DMTF1: variants seen among roughly 807,000 people sequenced by gnomAD.
DMTF1 encodes cyclin D binding myb like transcription factor 1.
In DMTF1, 39 loss-of-function variants were observed where a neutral mutation model predicts 91.1. The observed-to-expected ratio is 0.43, with a 90% CI of 0.33 to 0.56. The LOEUF is 0.56. DMTF1 is among the 20% of genes least tolerant of loss of function. The pLI is 0.05. For synonymous variants in DMTF1, 338 were observed against 309.5 expected (o/e 1.09, Z -0.97); for missense variants, 750 against 914.5 (o/e 0.82, Z 2.32).
intron 1 of DMTF1, among the ~76,000 whole-genome samples, chr7:87,160,325 A>G (rs1405850712): frequency 1.4e-5 from 2 of 146,220 alleles, no homozygotes; most frequent in Admixed American, 7.0e-5. Flanking sequence ...TCCAGGCTGG[A>G]GTGCAATGGG....
intron 1 of DMTF1, among the ~76,000 whole-genome samples, chr7:87,159,523 G>A (rs1791680712): frequency 1.3e-5 from 2 of 152,092 alleles, no homozygotes; most frequent in African/African-American, 4.8e-5. Context: ...AACGTGCTAA[G>A]GTATTGTGCT....
chr7:87,176,934 G>A (rs1194326793), intron 7 of DMTF1, among the ~76,000 whole-genome samples: 2 of 152,124 alleles, frequency 1.3e-5, no homozygotes, highest in Non-Finnish European at 2.9e-5. Flanking sequence ...AGGGCAAGGA[G>A]TGTGGAGGCA....
chr7:87,190,762 C>T (rs954754989), intron 13 of DMTF1, among the ~76,000 whole-genome samples, 183 bp from the exon 14 acceptor site: 1 of 152,044 alleles, frequency 6.6e-6, no homozygotes, highest in African/African-American at 2.4e-5. Flanking sequence ...CACTATATGT[C>T]ATGCAAGACA....
chr7:87,156,426 C>G (rs969796165), intron 1 of DMTF1, among the ~76,000 whole-genome samples: 2 of 151,990 alleles, frequency 1.3e-5, no homozygotes, highest in East Asian at 3.8e-4. Flanking sequence ...ATCTTAAAAC[C>G]AAGCCATAGT....
chr7:87,190,122 A>T (rs956714639), intron 13 of DMTF1, among the ~76,000 whole-genome samples: 4 of 152,094 alleles, frequency 2.6e-5, no homozygotes, highest in African/African-American at 7.2e-5. Flanking sequence ...AGCATGTTCT[A>T]TTTAACCTTG....
At chr7:87,169,903 T>C (rs11982198) in intron 4 of DMTF1, among the ~76,000 whole-genome samples, 5,607 of 152,242 alleles carry the variant, frequency 0.037, 125 homozygotes, top group East Asian at 0.064. Flanking sequence ...TTTACTCACT[T>C]TTTAGGTGAT....
At chr7:87,187,983 T>C in intron 12 of DMTF1, 109 bp from the exon 13 acceptor site, 2 of 742,858 alleles carry the variant, frequency 2.7e-6, no homozygotes, top group Admixed American at 2.4e-5. Flanking sequence ...CAGTATGCAG[T>C]TATTTATTCC....
intron 1 of DMTF1, chr7:87,154,300 A>G (rs1434301060): frequency 5.9e-5 from 9 of 152,334 alleles, no homozygotes; most frequent in Non-Finnish European, 1.3e-4. Flanking sequence ...ACATTTCATG[A>G]TTGTGGTGAT....
intron 15 of DMTF1, 61 bp from the exon 16 acceptor site, chr7:87,193,664 G>C: frequency 7.1e-7 from 1 of 1,412,190 alleles, no homozygotes; most frequent in Non-Finnish European, 9.7e-7. Context: ...GGGAGACAGT[G>C]AGGTACCCCC....
chr7:87,163,088 G>T (rs1007136119), intron 1 of DMTF1: 2 of 151,460 alleles, frequency 1.3e-5, no homozygotes, highest in African/African-American at 4.9e-5. Flanking sequence ...ACATAAAGAG[G>T]TGTTAATAAT....
At chr7:87,168,824 C>T (rs941775119) in intron 4 of DMTF1, among the ~76,000 whole-genome samples, 5 of 152,198 alleles carry the variant, frequency 3.3e-5, no homozygotes, top group Non-Finnish European at 7.4e-5. Flanking sequence ...TTTTCCCACT[C>T]TGAGATGACT....
chr7:87,181,921 G>A (rs955407302), intron 9 of DMTF1: 5 of 961,108 alleles, frequency 5.2e-6, no homozygotes, highest in Non-Finnish European at 7.2e-6. Context: ...AAAAGGGAAA[G>A]TCTGGGGCTT....
chr7:87,193,779 A>G lies in DMTF1; in HGVS notation c.1705A>G (p.Arg569Gly). ...TGTTACAGTGCAGTGTCACACACCA[A>G]GAGTCATCATTCAGACTGTTGCCAC... is the stretch of plus-strand genomic sequence containing the variant. ...DNVTVQCHTP[R>G]VIIQTVATED... is the part of the protein sequence containing the mutation. Residue 569 changes from arginine (R) to glycine (G), a missense_variant, in exon 16 of 18, where the codon AGA becomes GGA. Around this residue, in one of 3 missense-constraint regions of DMTF1, gnomAD observed 410 missense variants for 420.2 expected, o/e 0.98. Transcript: ENST00000331242. The G allele has an allele frequency of 1.9e-6, 3 of 1,613,016 alleles. No individual in the cohort carries two copies. The highest frequency in any genetic ancestry group is 2.5e-6 in the Non-Finnish European group (3 of 1,179,356).
intron 7 of DMTF1, among the ~76,000 whole-genome samples, chr7:87,175,984 A>AT (rs1796178929): frequency 1.3e-5 from 2 of 152,168 alleles, no homozygotes; most frequent in Non-Finnish European, 2.9e-5. Flanking sequence ...CATCTCTGTA[A>AT]TGGAGTTAGA....
At chr7:87,169,675 T>C (rs1794647313) in intron 4 of DMTF1, among the ~76,000 whole-genome samples, 1 of 152,206 alleles carries the variant, frequency 6.6e-6, no homozygotes, top group South Asian at 2.1e-4. Flanking sequence ...GGTCACTTTT[T>C]TAGTGTTTGC....
rs139739855 is a variant in DMTF1, at chr7:87,188,227, G to A, written c.1337G>A (p.Arg446His). The change falls in exon 13 of 18, where the codon CGC becomes CAC. Residue 446 changes from arginine (R) to histidine (H), a missense_variant. Arg to His is a conservative substitution (Grantham distance 29). Coordinates refer to ENST00000331242, the MANE Select transcript of DMTF1 (RefSeq NM_001142327.2). Reference protein sequence around the residue: ...SVQHVQIRVARLEDNTAISSS... With the variant: ...SVQHVQIRVAHLEDNTAISSS... ...CAGCATGTTCAGATAAGAGTTGCCC[G>A]CTTGGAAGATAATACAGCCATCTCT... 150 of 1,613,934 alleles carry A rather than the reference G, an allele frequency of 9.3e-5. No individual in the cohort carries two copies. The East Asian group carries it at 2.7e-3, about 29-fold the overall frequency.
chr7:87,172,796 C>T (rs187666758), intron 5 of DMTF1, among the ~76,000 whole-genome samples: 4 of 152,296 alleles, frequency 2.6e-5, no homozygotes, highest in East Asian at 3.9e-4. Flanking sequence ...TCAACTCTGC[C>T]GAAGGCAGCT....
rs753249095 is a variant in DMTF1 at position 87,195,089 on chromosome 7, T to A, written c.2232T>A (p.Ser744Arg). Residue 744 changes from serine (S) to arginine (R), a missense_variant, in exon 18 of 18, where the codon AGT (serine) becomes AGA (arginine). By Grantham distance (110) the Ser-to-Arg change is moderately radical (BLOSUM62 -1). Transcript: ENST00000331242. ...ESNIIGSSLG[S>R]PVSEDSKDVE... ...ATATCATTGGATCATCCTTGGGCAG[T>A]CCTGTTTCAGAAGATTCAAAGGATG... The A allele has an allele frequency of 1.9e-6, 3 of 1,612,286 alleles. No homozygotes were observed. The African/African-American group carries it at 4.0e-5, about 22-fold the overall frequency.
At position 87,195,617 on chromosome 7, in the gene DMTF1, C is replaced by A. The variant is rs1295382536; in HGVS notation, c.*477C>A. On this transcript the variant is annotated 3_prime_UTR_variant, in exon 18 of 18. Transcript: ENST00000331242. ...CAAGAAGACTAAGTTTGAGACTTGACCAGCATACAAGTATAGAGACCTAGG... is the reference window on the plus strand; with the variant it reads ...CAAGAAGACTAAGTTTGAGACTTGAACAGCATACAAGTATAGAGACCTAGG... The A allele has an allele frequency of 6.5e-6, 1 of 153,388 alleles. No homozygotes were observed. The highest frequency in any genetic ancestry group is 2.4e-5 in the African/African-American group (1 of 41,396). The allele number at this position is 153,388 out of a possible 1,614,324, so 9.5% of individuals were successfully genotyped here.
Sources: allele counts gnomAD v4.1 joint callset (sites outside exome capture counted in the v4.1 genomes callset), GRCh38; gene constraint gnomAD v4.1.1; regional missense constraint gnomAD v4.1.1; transcripts MANE v1.5; gene names NCBI Gene and HGNC (gene_info 2026-07-23, HGNC 2026-07-21).